IL1RAP: variants seen among roughly 807,000 people sequenced by gnomAD.
IL1RAP encodes the protein interleukin 1 receptor accessory protein.
IL1RAP carries 35 observed loss-of-function variants against 60.7 expected under a neutral mutation model. That is an observed-to-expected ratio of 0.58 (90% CI 0.44 to 0.76). The LOEUF (loss-of-function observed/expected upper bound fraction) is 0.76. Among genes scored for constraint, IL1RAP ranks in the 30% least tolerant of loss-of-function variants. The pLI is 0.00. For missense variants in IL1RAP, 572 were observed against 693.9 expected, an observed-to-expected ratio of 0.82 and a Z score of 1.97; for synonymous variants, 268 against 250.9, an observed-to-expected ratio of 1.07 and a Z score of -0.64.
At chr3:190,546,181 C>T (rs968171789) in intron 1 of IL1RAP, among the ~76,000 whole-genome samples, 9 of 152,158 alleles carry the variant, frequency 5.9e-5, no homozygotes, top group Non-Finnish European at 2.9e-5. Context: ...TGCAAGATAA[C>T]ATTCATCTGA....
intron 10 of IL1RAP, among the ~76,000 whole-genome samples, chr3:190,645,304 T>G (rs1490584227): frequency 6.6e-6 from 1 of 152,226 alleles, no homozygotes; most frequent in Non-Finnish European, 1.5e-5. Context: ...ATATAAATAA[T>G]TCAGGCAGTT....
rs187089391 is a variant in IL1RAP, at chr3:190,540,282, G to C, written c.-88-15848G>C. Among the ~76,000 whole-genome samples the C allele has an allele frequency of 4.0e-4, 61 of 151,890 alleles. No homozygotes were observed. The East Asian group carries it at 0.011, about 27-fold the overall frequency. On this transcript the variant is annotated intron_variant, in intron 1 of 11. Transcript: ENST00000447382. Reference sequence around the variant, plus strand: ...CTCTGCCTTCCTCCCTCCTTCCCAAGGTGTCTTATTACCTTTCCCTCCCTT... The same window carrying C: ...CTCTGCCTTCCTCCCTCCTTCCCAACGTGTCTTATTACCTTTCCCTCCCTT...
chr3:190,644,120 T>C (rs1733843986), intron 9 of IL1RAP, 128 bp from the exon 10 acceptor site: 2 of 1,439,134 alleles, frequency 1.4e-6, no homozygotes, highest in African/African-American at 1.4e-5. Context: ...TACAATGTTA[T>C]CTCTGATTGT....
intron 4 of IL1RAP, among the ~76,000 whole-genome samples, chr3:190,606,107 A>G (rs1205100838): frequency 1.3e-5 from 2 of 152,158 alleles, no homozygotes; most frequent in Admixed American, 6.6e-5. Context: ...GGATCCCTGT[A>G]GCCTCTGAAG....
chr3:190,533,121 G>A (rs929135654), intron 1 of IL1RAP, among the ~76,000 whole-genome samples: 1 of 152,188 alleles, frequency 6.6e-6, no homozygotes, highest in Non-Finnish European at 1.5e-5. Flanking sequence ...AATGCCCATA[G>A]GTGTCTGTGA....
At chr3:190,545,966 T>C (rs1724333582) in intron 1 of IL1RAP, among the ~76,000 whole-genome samples, 1 of 152,168 alleles carries the variant, frequency 6.6e-6, no homozygotes, top group Non-Finnish European at 1.5e-5. Flanking sequence ...ATTCCCCGCG[T>C]AGTCATAATG....
At chr3:190,578,574 T>G (rs974304848) in intron 3 of IL1RAP, among the ~76,000 whole-genome samples, 3 of 152,196 alleles carry the variant, frequency 2.0e-5, no homozygotes, top group Non-Finnish European at 4.4e-5. Context: ...AAAATAAGCA[T>G]TAGCTACCCA....
chr3:190,640,638 A>T (rs1733588753), intron 9 of IL1RAP, among the ~76,000 whole-genome samples: 1 of 152,160 alleles, frequency 6.6e-6, no homozygotes, highest in South Asian at 2.1e-4. Flanking sequence ...CATGCAGTGG[A>T]TGGCAAGGCT....
chr3:190,602,555 G>A (rs1729953845), intron 3 of IL1RAP, among the ~76,000 whole-genome samples: 1 of 152,118 alleles, frequency 6.6e-6, no homozygotes, highest in Non-Finnish European at 1.5e-5. Flanking sequence ...TGCATGTGGA[G>A]ATAGTGGAAT....
chr3:190,603,369 A>G (rs111406540), intron 3 of IL1RAP, among the ~76,000 whole-genome samples: 17 of 152,348 alleles, frequency 1.1e-4, no homozygotes, highest in African/African-American at 3.8e-4. Context: ...TTGAAACTGT[A>G]GCACCTTTAG....
chr3:190,602,976 G>A (rs962145390), intron 3 of IL1RAP, among the ~76,000 whole-genome samples: 1 of 152,008 alleles, frequency 6.6e-6, no homozygotes, highest in East Asian at 1.9e-4. Flanking sequence ...TCACTCTAAA[G>A]AAAATAAATA....
At chr3:190,622,283 A>G (rs1375020493) in intron 6 of IL1RAP, among the ~76,000 whole-genome samples, 1 of 151,918 alleles carries the variant, frequency 6.6e-6, no homozygotes, top group Non-Finnish European at 1.5e-5. Context: ...TTTGTAAAGC[A>G]AAAACTATTT....
chr3:190,608,828 C>CAATTCATG (rs1553847805), intron 4 of IL1RAP, among the ~76,000 whole-genome samples, 167 bp from the exon 5 acceptor site: 5 of 151,300 alleles, frequency 3.3e-5, no homozygotes, highest in Non-Finnish European at 7.4e-5. Flanking sequence ...TCTGTGATGT[C>CAATTCATG]AATTCGTGTA....
rs1560205311 is a variant in IL1RAP at position 190,604,110 on chromosome 3, CT to C, written c.65-12del. The C allele has an allele frequency of 6.2e-7, 1 of 1,606,604 alleles. No homozygotes were observed. Among genetic ancestry groups the C allele is most frequent in the Non-Finnish European group, 8.5e-7 (1 of 1,176,480 alleles). ...AAATGACTCATCTGCCCCTTTCTTTCTTTTTTGATTATTCCAGAACGCTGCG... is the reference window on the plus strand; with the variant it reads ...AAATGACTCATCTGCCCCTTTCTTTCTTTTTGATTATTCCAGAACGCTGCG... On this transcript the variant is annotated splice_polypyrimidine_tract_variant and intron_variant, in intron 3 of 11. Transcript: ENST00000447382.
intron 1 of IL1RAP, among the ~76,000 whole-genome samples, chr3:190,520,284 C>A (rs1201247570): frequency 6.6e-6 from 1 of 152,100 alleles, no homozygotes; most frequent in African/African-American, 2.4e-5. Flanking sequence ...TGTCAGTGGG[C>A]CCAAAATTGA....
chr3:190,650,012 C>T lies in IL1RAP; in HGVS notation c.*1307C>T. ...CACAAATTATATATATACATATCCA[C>T]ACACATACATTACATATATCTGTGT... On this transcript the variant is annotated 3_prime_UTR_variant, in exon 12 of 12. Coordinates refer to ENST00000447382, the MANE Select transcript of IL1RAP (RefSeq NM_002182.4). 1 of 565,350 alleles carries T rather than the reference C, an allele frequency of 1.8e-6. No individual in the cohort carries two copies. The highest frequency in any genetic ancestry group is 2.2e-6 in the Non-Finnish European group (1 of 447,142). 35.0% of individuals were successfully genotyped at this position (565,350 alleles called of 1,614,324 possible). A position where few individuals can be genotyped will look rare whatever the true frequency, so the allele number is the denominator to read the frequency against.
intron 1 of IL1RAP, among the ~76,000 whole-genome samples, chr3:190,523,279 C>T (rs1722239456): frequency 6.6e-6 from 1 of 152,074 alleles, no homozygotes; most frequent in Non-Finnish European, 1.5e-5. Context: ...ATCTCCCTTA[C>T]CCTACTCTTA....
intron 5 of IL1RAP, among the ~76,000 whole-genome samples, chr3:190,617,181 C>A (rs1391828916): frequency 6.6e-6 from 1 of 152,198 alleles, no homozygotes; most frequent in East Asian, 1.9e-4. Flanking sequence ...CCCTAAATGC[C>A]TTTTATTGTG....
Position 190,618,062 on chromosome 3 carries a change from C to G in IL1RAP, c.538-2213C>G, listed in dbSNP as rs183434806. Among the ~76,000 whole-genome samples, 6 of 152,310 alleles carry G rather than the reference C, an allele frequency of 3.9e-5. No individual in the cohort carries two copies. The East Asian group carries it at 1.2e-3, about 29-fold the overall frequency. On this transcript the variant is annotated intron_variant, in intron 5 of 11. Transcript: ENST00000447382. ...GTTTACCACTGATTGCAGGAATTAG[C>G]CTGTTTTAAGTGATAGAGCCACATC...
Sources: gnomAD v4.1 joint callset for allele counts (sites outside exome capture counted in the v4.1 genomes callset) on GRCh38, gnomAD v4.1.1 for gene constraint, MANE v1.5 for transcripts, NCBI Gene and HGNC (gene_info 2026-07-23, HGNC 2026-07-21) for gene names.